The following LRRC4B variants were observed in gnomAD, a reference collection of about 807,000 sequenced individuals.
LRRC4B encodes the protein leucine-rich repeat-containing protein 4B.
In LRRC4B, 1 loss-of-function variant was observed where a neutral mutation model predicts 7.3. That is an observed-to-expected ratio of 0.14 (90% CI 0.05 to 0.65). The LOEUF (loss-of-function observed/expected upper bound fraction) is 0.65, where lower values mean the gene tolerates loss of function less well. Among genes scored for constraint, LRRC4B ranks in the 30% least tolerant of loss-of-function variants. LRRC4B has a pLI of 0.84. For synonymous variants in LRRC4B, 500 were observed against 499.2 expected (o/e 1.00, Z -0.02); for missense variants, 730 against 1,041.6 (o/e 0.70, Z 4.12).
intron 1 of LRRC4B, among the ~76,000 whole-genome samples, chr19:50,557,066 G>A (rs1286995486): frequency 6.6e-6 from 1 of 152,142 alleles, no homozygotes; most frequent in Admixed American, 6.6e-5. Flanking sequence ...AGGCCAGGGA[G>A]GAGCTGCGCC....
At chr19:50,521,003 C>T (rs1980556189) in intron 2 of LRRC4B, among the ~76,000 whole-genome samples, 1 of 152,070 alleles carries the variant, frequency 6.6e-6, no homozygotes, top group African/African-American at 2.4e-5. Context: ...TGTTCCTCAG[C>T]AGGTGAATGG....
chr19:50,552,069 C>A (rs1015773313), intron 1 of LRRC4B, among the ~76,000 whole-genome samples: 1 of 152,088 alleles, frequency 6.6e-6, no homozygotes, highest in Non-Finnish European at 1.5e-5. Flanking sequence ...GGAAGGTTGC[C>A]GGCTGGGCTG....
At chr19:50,564,652 G>A (rs576098688) in intron 1 of LRRC4B, among the ~76,000 whole-genome samples, 12 of 152,174 alleles carry the variant, frequency 7.9e-5, no homozygotes, top group East Asian at 1.9e-4. Context: ...GAGGCGAGAC[G>A]GCTTGACAGA....
At chr19:50,531,983 G>A (rs900382620) in intron 2 of LRRC4B, among the ~76,000 whole-genome samples, 2 of 152,160 alleles carry the variant, frequency 1.3e-5, no homozygotes, top group African/African-American at 4.8e-5. Flanking sequence ...AGCACTTTGG[G>A]AGGCCAAGGC....
intron 1 of LRRC4B, among the ~76,000 whole-genome samples, chr19:50,567,400 T>C (rs950788205): frequency 9.2e-5 from 14 of 151,600 alleles, no homozygotes. Flanking sequence ...CCATTTTCAC[T>C]TCCCAAACTC....
At chr19:50,549,926 CG>C (rs1981982610) in intron 1 of LRRC4B, among the ~76,000 whole-genome samples, 1 of 152,070 alleles carries the variant, frequency 6.6e-6, no homozygotes. Context: ...AAGCAGACAG[CG>C]GGGACTCGGG....
At chr19:50,565,889 G>A (rs60246192) in intron 1 of LRRC4B, among the ~76,000 whole-genome samples, 42,821 of 151,844 alleles carry the variant, frequency 0.28, 6,388 homozygotes, top group Middle Eastern at 0.4. Context: ...CCGTGCTGAT[G>A]CCCTAATTGC....
chr19:50,527,628 G>A (rs1162369404), intron 2 of LRRC4B, among the ~76,000 whole-genome samples: 2 of 151,984 alleles, frequency 1.3e-5, no homozygotes, highest in African/African-American at 2.4e-5. Flanking sequence ...ACTGGCCCAC[G>A]GCTATACCTA....
At position 50,555,938 on chromosome 19, in the gene LRRC4B, C is replaced by G. The variant is rs1165989892; in HGVS notation, c.-35-7065G>C. 2 of 152,188 alleles carry G rather than the reference C, an allele frequency of 1.3e-5. No homozygotes were observed. The highest frequency in any genetic ancestry group is 4.8e-5 in the African/African-American group (2 of 41,376). 9.4% of individuals were successfully genotyped at this position (152,188 alleles called of 1,614,324 possible). A position where few individuals can be genotyped will look rare whatever the true frequency, so the allele number is the denominator to read the frequency against. Reference sequence around the variant, plus strand: ...CCAGAGGGTGGAGAGGGATTGAAGCCGGGGAGGGATGAGCCCTTCTGTCCC... The same window carrying G: ...CCAGAGGGTGGAGAGGGATTGAAGCGGGGGAGGGATGAGCCCTTCTGTCCC... On this transcript the variant is annotated intron_variant, in intron 1 of 2. Coordinates refer to ENST00000652263, the MANE Select transcript of LRRC4B (RefSeq NM_001080457.2). The surrounding 1 kb of genome is among the most constrained non-coding windows in gnomAD (Gnocchi z 5.2).
chr19:50,555,078 G>C lies in LRRC4B; in HGVS notation c.-35-6205C>G, dbSNP rs993722625. 1.3e-5 allele frequency among the ~76,000 whole-genome samples: 2 copies of C among 152,176 alleles called. No individual in the cohort carries two copies. Among genetic ancestry groups the C allele is most frequent in the African/African-American group, 4.8e-5 (2 of 41,434 alleles). ...ACGGCTTCACGCCCGGCTGGCAGAG[G>C]CTCCATGGACTGCCCTCTGCCCCCA... is the stretch of plus-strand genomic sequence containing the variant. On this transcript the variant is annotated intron_variant, in intron 1 of 2. Coordinates refer to ENST00000652263, the MANE Select transcript of LRRC4B (RefSeq NM_001080457.2). This position sits in a 1 kb window ranked among gnomAD's most constrained non-coding sequence, Gnocchi z 5.2.
intron 1 of LRRC4B, among the ~76,000 whole-genome samples, chr19:50,551,343 C>T (rs1216277843): frequency 1.3e-5 from 2 of 151,198 alleles, no homozygotes; most frequent in Non-Finnish European, 3.0e-5. Context: ...GGTCTCCCCG[C>T]GCCCCCCCCA....
intron 1 of LRRC4B, among the ~76,000 whole-genome samples, chr19:50,564,187 C>T (rs956552951): frequency 2.6e-5 from 4 of 152,106 alleles, no homozygotes; most frequent in African/African-American, 9.7e-5. Context: ...TGAGCACAAC[C>T]CACAGTTATC....
chr19:50,544,233 G>C (rs999895761), intron 2 of LRRC4B, among the ~76,000 whole-genome samples: 1 of 151,832 alleles, frequency 6.6e-6, no homozygotes, highest in Non-Finnish European at 1.5e-5. Context: ...TAGGCCGGGC[G>C]CAGTGGCTCA....
In LRRC4B at chr19:50,556,357, TCCTCCCACCCACCAGGCG is replaced by T. The variant is rs961289633; in HGVS notation, c.-35-7502_-35-7485del. 8.4e-4 allele frequency among the ~76,000 whole-genome samples: 128 copies of T among 151,944 alleles called. No individual in the cohort carries two copies. The highest frequency in any genetic ancestry group is 2.8e-3 in the African/African-American group (116 of 41,446). ...GCAGCCACGCCGCTCTCCCCCAGGC[TCCTCCCACCCACCAGGCG>T]CCTCCCACCCAGGCTCTTCCCATCC... On this transcript the variant is annotated intron_variant, in intron 1 of 2. Coordinates refer to ENST00000652263, the MANE Select transcript of LRRC4B (RefSeq NM_001080457.2). The surrounding 1 kb of genome is among the most constrained non-coding windows in gnomAD (Gnocchi z 4.2).
Position 50,517,846 on chromosome 19 carries a change from C to T in LRRC4B, c.1867G>A (p.Glu623Lys), listed in dbSNP as rs763244541. 3 of 1,584,416 alleles carry T rather than the reference C, an allele frequency of 1.9e-6. No homozygotes were observed. The highest frequency in any genetic ancestry group is 1.7e-6 in the Non-Finnish European group (2 of 1,169,528). The change falls in exon 3 of 3, where the codon GAG (glutamate) becomes AAG (lysine). Residue 623 changes from glutamate to lysine, a missense_variant. Transcript: ENST00000652263. This position sits in a 1 kb window ranked among gnomAD's most constrained non-coding sequence, Gnocchi z 6.6. ...RTVEIINVEDELPAASAVSVA... is the reference protein window; with the variant it reads ...RTVEIINVEDKLPAASAVSVA... The stretch of plus-strand genomic sequence containing the variant: ...GACACGGCCGAGGCGGCGGGCAGCT[C>T]GTCCTCCACGTTGATGATCTCCACG...
At chr19:50,525,284 C>T (rs1020512987) in intron 2 of LRRC4B, among the ~76,000 whole-genome samples, 3 of 152,132 alleles carry the variant, frequency 2.0e-5, no homozygotes, top group Non-Finnish European at 2.9e-5. Context: ...TTCAGGGGTG[C>T]TCAGCACGTC....
At chr19:50,551,313 G>C (rs963866903) in intron 1 of LRRC4B, among the ~76,000 whole-genome samples, 1 of 151,172 alleles carries the variant, frequency 6.6e-6, no homozygotes. Flanking sequence ...TCGTGCTGGG[G>C]GGGGCGCAGG....
intron 2 of LRRC4B, among the ~76,000 whole-genome samples, chr19:50,531,742 A>C (rs1981068304): frequency 6.6e-6 from 1 of 151,788 alleles, no homozygotes; most frequent in Admixed American, 6.6e-5. Context: ...ACCAGCCTGA[A>C]CTCCCTGGTG....
chr19:50,550,370 CAGG>C (rs2122899745), intron 1 of LRRC4B, among the ~76,000 whole-genome samples: 1 of 152,122 alleles, frequency 6.6e-6, no homozygotes, highest in South Asian at 2.1e-4. Context: ...CCCAAGAGAC[CAGG>C]AGGAGGGCAG....
Sources: allele counts gnomAD v4.1 joint callset (sites outside exome capture counted in the v4.1 genomes callset), GRCh38; gene constraint gnomAD v4.1.1; non-coding constraint Gnocchi (gnomAD v3.1); transcripts MANE v1.5; gene names NCBI Gene and HGNC (gene_info 2026-07-23, HGNC 2026-07-21).